AK8: variants seen among roughly 807,000 people sequenced by gnomAD.
AK8 encodes the protein ATP-AMP transphosphorylase 8.
Under a neutral mutation model 54.6 loss-of-function variants are expected in AK8, and 44 were observed. The ratio of observed to expected loss-of-function variants is 0.81; its 90% CI spans 0.63 to 1.04. The LOEUF is 1.04. Ranked by LOEUF, AK8 falls within the 50% of genes least tolerant of loss-of-function variation. AK8 has a pLI of 0.00. For synonymous variants in AK8, 239 were observed against 245.6 expected, an observed-to-expected ratio of 0.97 and a Z score of 0.25; for missense variants, 555 against 613.6, an observed-to-expected ratio of 0.90 and a Z score of 1.01.
chr9:132,775,763 C>T (rs1047925585), intron 11 of AK8, among the ~76,000 whole-genome samples: 30 of 152,342 alleles, frequency 2.0e-4, no homozygotes, highest in African/African-American at 6.7e-4. Context: ...CCCACCTACC[C>T]CAGGTACCAT....
chr9:132,845,263 T>C (rs1842702818), intron 5 of AK8, among the ~76,000 whole-genome samples: 1 of 152,210 alleles, frequency 6.6e-6, no homozygotes, highest in South Asian at 2.1e-4. Flanking sequence ...AGTCAATATA[T>C]TATTTATAAT....
chr9:132,878,817 A>G, upstream of AK8: 13 of 976,724 alleles, frequency 1.3e-5, no homozygotes, highest in Non-Finnish European at 1.6e-5. This position sits in a 1 kb window ranked among gnomAD's most constrained non-coding sequence, Gnocchi z 4.7. Flanking sequence ...CCAAGCCGCC[A>G]AGTGACCCGA....
At chr9:132,875,378 G>C in intron 1 of AK8, 179 bp from the exon 2 acceptor site, 2 of 948,070 alleles carry the variant, frequency 2.1e-6, no homozygotes, top group East Asian at 1.2e-4. Flanking sequence ...AGGCATGAGG[G>C]GGGCCACGTG....
At chr9:132,816,452 A>C (rs1292216212) in intron 9 of AK8, among the ~76,000 whole-genome samples, 2 of 152,102 alleles carry the variant, frequency 1.3e-5, no homozygotes, top group African/African-American at 4.8e-5. Flanking sequence ...GCTTTGTTTT[A>C]TTTGGTCCTC....
intron 4 of AK8, 58 bp from the exon 5 acceptor site, chr9:132,854,983 C>T: frequency 6.4e-7 from 1 of 1,565,178 alleles, no homozygotes; most frequent in Non-Finnish European, 8.8e-7. Context: ...CAGCTCAGGA[C>T]ACAGACCAGC....
chr9:132,730,436 GT>G (rs5900990), intron 11 of AK8, among the ~76,000 whole-genome samples: 2,021 of 141,870 alleles, frequency 0.014, 49 homozygotes, highest in African/African-American at 0.049. Context: ...CCCACTGCCT[GT>G]TTTTTTTTTT....
intron 4 of AK8, among the ~76,000 whole-genome samples, chr9:132,858,677 C>A (rs990619549): frequency 3.3e-5 from 5 of 152,174 alleles, no homozygotes; most frequent in African/African-American, 9.7e-5. Context: ...CCTTTAGAGA[C>A]AACTCCCATT....
intron 11 of AK8, among the ~76,000 whole-genome samples, chr9:132,739,175 C>A (rs1025919470): frequency 4.0e-5 from 6 of 151,452 alleles, no homozygotes; most frequent in Non-Finnish European, 8.8e-5. Context: ...CTGGGCTGGG[C>A]GTGGTGGCTC....
chr9:132,846,194 T>C (rs1223080765), intron 5 of AK8, among the ~76,000 whole-genome samples: 2 of 152,146 alleles, frequency 1.3e-5, no homozygotes, highest in African/African-American at 2.4e-5. Flanking sequence ...TGTTTTGAGG[T>C]TGGAAAGGAG....
intron 10 of AK8, among the ~76,000 whole-genome samples, chr9:132,810,513 C>T (rs1343167505): frequency 6.6e-6 from 1 of 152,168 alleles, no homozygotes; most frequent in Non-Finnish European, 1.5e-5. Flanking sequence ...ATTTCTGTCT[C>T]TCGAAGAGGA....
At chr9:132,870,892 T>A (rs1588240874) in intron 2 of AK8, among the ~76,000 whole-genome samples, 1 of 97,368 alleles carries the variant, frequency 1.0e-5, no homozygotes, top group East Asian at 6.0e-4. Flanking sequence ...CCTCCCGCAC[T>A]CTTCTAGGAC....
rs527767539 is a variant in AK8, at chr9:132,805,460, G to A, written c.979+9178C>T. On this transcript the variant is annotated intron_variant, in intron 10 of 12. Transcript: ENST00000298545. ...TTCTTCTTGGGGAGACAATGTTGTC[G>A]AATGGATGCATGAATGAATCTGGCA... is the stretch of plus-strand genomic sequence containing the variant. Among the ~76,000 whole-genome samples the A allele has an allele frequency of 1.6e-4, 24 of 152,304 alleles. No homozygotes were observed. The South Asian group carries it at 3.1e-3, about 20-fold the overall frequency.
chr9:132,814,507 A>G, intron 10 of AK8, 131 bp downstream of exon 10: 1 of 877,800 alleles, frequency 1.1e-6, no homozygotes, highest in Non-Finnish European at 1.7e-6. Flanking sequence ...CTTTGCTTAC[A>G]AGAAAACCCA....
intron 11 of AK8, among the ~76,000 whole-genome samples, chr9:132,754,581 T>C (rs1394160477): frequency 2.0e-5 from 3 of 152,124 alleles, no homozygotes; most frequent in African/African-American, 7.2e-5. Flanking sequence ...TCAATGGCCA[T>C]TCCTCTTGCC....
In AK8 at chr9:132,793,072, G is replaced by A. The variant is rs1270228810; in HGVS notation, c.980-297C>T. Reference sequence around the variant, plus strand: ...TGAGATGTGAGCAGATTGTCCCCCTGTCTTAGTCCATTTGGGCTGCTATAG... The same window carrying A: ...TGAGATGTGAGCAGATTGTCCCCCTATCTTAGTCCATTTGGGCTGCTATAG... On this transcript the variant is annotated intron_variant, in intron 10 of 12. Transcript: ENST00000298545. Among the ~76,000 whole-genome samples the A allele has an allele frequency of 1.7e-4, 7 of 41,546 alleles. No homozygotes were observed. In the East Asian group the frequency reaches 0.028, roughly 166 times the overall value. 27.3% of individuals were successfully genotyped at this position (41,546 alleles called of 152,430 possible).
chr9:132,866,924 C>T lies in AK8; in HGVS notation c.199G>A (p.Ala67Thr), dbSNP rs115599655. ...VPRIVILGPP[A>T]SGKTTIAMWL... Reference sequence around the variant, plus strand: ...CTTACTATTGTTGTTTTCCCTGAGGCGGGTGGACCTAATATTACAATCCTG... The same window carrying T: ...CTTACTATTGTTGTTTTCCCTGAGGTGGGTGGACCTAATATTACAATCCTG... The change falls in exon 3 of 13, where the codon GCC (alanine) becomes ACC (threonine). Residue 67 changes from alanine to threonine, a missense_variant. Physicochemically the swap from Ala to Thr is moderately conservative, Grantham distance 58 (BLOSUM62 0). Coordinates refer to ENST00000298545, the MANE Select transcript of AK8 (RefSeq NM_152572.3). 3.5e-5 allele frequency: 57 copies of T among 1,613,950 alleles called. No individual in the cohort carries two copies. Among genetic ancestry groups the T allele is most frequent in the South Asian group, 8.8e-5 (8 of 91,064 alleles).
At chr9:132,809,833 C>T (rs1290040439) in intron 10 of AK8, among the ~76,000 whole-genome samples, 2 of 152,218 alleles carry the variant, frequency 1.3e-5, no homozygotes, top group African/African-American at 2.4e-5. Flanking sequence ...ATGCTCAATT[C>T]GGGAAGGAGG....
intron 11 of AK8, among the ~76,000 whole-genome samples, chr9:132,745,830 GCTT>G (rs1837623808): frequency 6.6e-6 from 1 of 152,172 alleles, no homozygotes; most frequent in Non-Finnish European, 1.5e-5. Flanking sequence ...GCCACCAGGA[GCTT>G]CTTTAAATGC....
At chr9:132,750,846 G>A (rs1374959809) in intron 11 of AK8, among the ~76,000 whole-genome samples, 1 of 151,954 alleles carries the variant, frequency 6.6e-6, no homozygotes, top group Non-Finnish European at 1.5e-5. Flanking sequence ...AAGAAACCTC[G>A]ATTTGTGGGG....
Sources: allele counts gnomAD v4.1 joint callset (sites outside exome capture counted in the v4.1 genomes callset), GRCh38; gene constraint gnomAD v4.1.1; non-coding constraint Gnocchi (gnomAD v3.1); transcripts MANE v1.5; gene names NCBI Gene and HGNC (gene_info 2026-07-23, HGNC 2026-07-21).